COG7: variants seen among roughly 807,000 people sequenced by gnomAD.
COG7 encodes component of oligomeric golgi complex 7.
A neutral mutation model predicts 91.5 loss-of-function variants in COG7; 49 were observed. The observed-to-expected ratio is 0.54, with a 90% CI of 0.43 to 0.68. The LOEUF is 0.68. Among genes scored for constraint, COG7 ranks in the 30% least tolerant of loss-of-function variants. COG7 has a pLI of 0.00. For missense variants in COG7, 895 were observed against 961.3 expected (o/e 0.93, Z 0.91); for synonymous variants, 365 against 388.7 (o/e 0.94, Z 0.72).
intron 10 of COG7, among the ~76,000 whole-genome samples, chr16:23,411,097 G>C (rs1031047936): frequency 2.0e-5 from 3 of 152,190 alleles, no homozygotes; most frequent in African/African-American, 7.2e-5. Flanking sequence ...TTTGGTACTA[G>C]AAGTATCTTT....
intron 3 of COG7, among the ~76,000 whole-genome samples, chr16:23,444,102 T>TA (rs1964144843): frequency 1.3e-5 from 2 of 150,420 alleles, no homozygotes; most frequent in South Asian, 4.2e-4. Context: ...CATGCCACTG[T>TA]ACTCCAGCCT....
At position 23,445,778 on chromosome 16, in the gene COG7, C is replaced by T. The variant is rs1294824242; in HGVS notation, c.318+35G>A. On this transcript the variant is annotated intron_variant, in intron 2 of 16. Transcript: ENST00000307149. ...GACCACCTTCCCAAAGCAAGAATCA[C>T]CATTTACAACAGGAGCCAAAAGGAG... The T allele has an allele frequency of 3.1e-6, 5 of 1,611,118 alleles. No individual in the cohort carries two copies. The South Asian group carries it at 4.4e-5, about 14-fold the overall frequency.
chr16:23,392,582 C>G (rs187169195), intron 15 of COG7, 59 bp from the exon 16 acceptor site: 1 of 1,601,802 alleles, frequency 6.2e-7, no homozygotes, highest in East Asian at 2.2e-5. Context: ...GCTGAATGCA[C>G]CAAAGTACCA....
rs551142519 is a variant in COG7, at chr16:23,451,262, G to C, written c.169+1564C>G. On this transcript the variant is annotated intron_variant, in intron 1 of 16. Transcript: ENST00000307149. Reference sequence around the variant, plus strand: ...TATCCACTCCCAGTGGAAGCAGTCTGTTTGGTCTTTCCATCTGAGCCTAGG... The same window carrying C: ...TATCCACTCCCAGTGGAAGCAGTCTCTTTGGTCTTTCCATCTGAGCCTAGG... Among the ~76,000 whole-genome samples, 5 of 152,332 alleles carry C rather than the reference G, an allele frequency of 3.3e-5. No individual in the cohort carries two copies. The South Asian group carries it at 1.0e-3, about 32-fold the overall frequency.
chr16:23,444,776 G>C (rs930180017), intron 3 of COG7, among the ~76,000 whole-genome samples: 2 of 152,042 alleles, frequency 1.3e-5, no homozygotes, highest in Non-Finnish European at 2.9e-5. Context: ...AAAGAGCTGG[G>C]ATTTCAGGTA....
intron 1 of COG7, chr16:23,446,578 A>C (rs910554859): frequency 6.6e-6 from 1 of 151,870 alleles, no homozygotes; most frequent in South Asian, 2.0e-4. Flanking sequence ...CAGCCTCCTG[A>C]GTAGCTGGTT....
rs754435509 is a variant in COG7, at chr16:23,388,975, C to T, written c.2258G>A (p.Gly753Asp). 6.2e-7 allele frequency: 1 copy of T among 1,614,060 alleles called. No individual in the cohort carries two copies. The highest frequency in any genetic ancestry group is 8.5e-7 in the Non-Finnish European group (1 of 1,180,008). ...RPEDYRQVSK[G>D]LPRRLATTVA... ...GGTGGTGGCCAGGCGACGGGGCAGG[C>T]CTTTGCTGACCTGTCTATAGTCCTC... The change falls in exon 17 of 17, where the codon GGC becomes GAC. Residue 753 changes from glycine (G) to aspartate (D), a missense_variant. Coordinates refer to ENST00000307149, the MANE Select transcript of COG7 (RefSeq NM_153603.4).
chr16:23,436,675 G>A (rs1351086890), intron 4 of COG7, among the ~76,000 whole-genome samples: 3 of 151,428 alleles, frequency 2.0e-5, no homozygotes, highest in Admixed American at 6.6e-5. Context: ...GCTGTGAGCC[G>A]AGATCACACC....
At position 23,442,589 on chromosome 16, in the gene COG7, A is replaced by C. The variant is rs1243879663; in HGVS notation, c.492T>G (p.Leu164=). 1 of 1,614,090 alleles carries C rather than the reference A, an allele frequency of 6.2e-7. No homozygotes were observed. The highest frequency in any genetic ancestry group is 2.2e-5 in the East Asian group (1 of 44,880). ...TTTCTGAGTAGTCTGGTGTATCAAC[A>C]AGCATCATTAAGCTGTTCTGCATAC... ...LTGMQNSLMM[L]VDTPDYSEKC... is the part of the protein sequence containing the mutation. The change falls in exon 4 of 17, where the codon CTT becomes CTG. Residue 164 remains leucine (L), a synonymous_variant. Transcript: ENST00000307149.
At chr16:23,398,937 T>C (rs1306991617) in intron 13 of COG7, among the ~76,000 whole-genome samples, 2 of 152,210 alleles carry the variant, frequency 1.3e-5, no homozygotes, top group African/African-American at 2.4e-5. Flanking sequence ...GCACATGTGC[T>C]CACAGACTTC....
intron 14 of COG7, among the ~76,000 whole-genome samples, chr16:23,397,109 A>G (rs1352188241): frequency 6.6e-6 from 1 of 152,008 alleles, no homozygotes; most frequent in Non-Finnish European, 1.5e-5. Context: ...GGGTCCCCCT[A>G]TGTTGCCCAG....
chr16:23,418,626 C>G, intron 8 of COG7, 74 bp downstream of exon 8: 4 of 1,448,174 alleles, frequency 2.8e-6, no homozygotes, highest in South Asian at 1.1e-5. Context: ...CAACCCCCAG[C>G]CCTCTCCCAG....
At chr16:23,389,112 A>G (rs1257491259) in intron 16 of COG7, 26 bp from the exon 17 acceptor site, 2 of 1,611,064 alleles carry the variant, frequency 1.2e-6, no homozygotes, top group South Asian at 2.2e-5. Context: ...GGAGACAGAC[A>G]GAGCTCCACA....
At chr16:23,421,276 T>TA in intron 7 of COG7, among the ~76,000 whole-genome samples, 1 of 151,868 alleles carries the variant, frequency 6.6e-6, no homozygotes, top group Middle Eastern at 3.4e-3. Flanking sequence ...TTACAACATA[T>TA]TTGATAAGCA....
At chr16:23,404,187 G>A (rs540777777) in intron 12 of COG7, among the ~76,000 whole-genome samples, 2 of 152,332 alleles carry the variant, frequency 1.3e-5, no homozygotes, top group South Asian at 2.1e-4. Context: ...TGGGAAAGAG[G>A]GGGGAAACAA....
chr16:23,401,459 CCT>C (rs1349423156), intron 13 of COG7, among the ~76,000 whole-genome samples: 2 of 152,110 alleles, frequency 1.3e-5, no homozygotes, highest in Non-Finnish European at 2.9e-5. Context: ...AAGCACCACC[CCT>C]GTTTAAATGT....
intron 16 of COG7, among the ~76,000 whole-genome samples, chr16:23,389,332 C>T (rs1190237111): frequency 1.3e-5 from 2 of 152,028 alleles, no homozygotes; most frequent in Admixed American, 1.3e-4. Context: ...CAACATCACT[C>T]CCATCCCCAA....
At chr16:23,426,739 G>C (rs1392217376) in intron 6 of COG7, among the ~76,000 whole-genome samples, 1 of 137,318 alleles carries the variant, frequency 7.3e-6, no homozygotes, top group Non-Finnish European at 1.5e-5. Flanking sequence ...GAGATGGTAA[G>C]AACAGGAACA....
intron 16 of COG7, 54 bp downstream of exon 16, chr16:23,392,326 C>T (rs1963211656): frequency 6.2e-7 from 1 of 1,612,484 alleles, no homozygotes; most frequent in Admixed American, 1.7e-5. Context: ...GAGAAACTGA[C>T]AGATGCAGCA....
Sources: gnomAD v4.1 joint callset for allele counts (sites outside exome capture counted in the v4.1 genomes callset) on GRCh38, gnomAD v4.1.1 for gene constraint, MANE v1.5 for transcripts, NCBI Gene and HGNC (gene_info 2026-07-23, HGNC 2026-07-21) for gene names.